NFAT5: variants seen among roughly 807,000 people sequenced by gnomAD.
NFAT5 encodes nuclear factor of activated T-cells 5.
Under a neutral mutation model 166.5 loss-of-function variants are expected in NFAT5, and 31 were observed. That is an observed-to-expected ratio of 0.19 (90% CI 0.14 to 0.25). NFAT5 has a LOEUF of 0.25. Among genes scored for constraint, NFAT5 ranks in the 10% least tolerant of loss-of-function variants. NFAT5 has a pLI of 1.00. For synonymous variants in NFAT5, 612 were observed against 639.7 expected, an observed-to-expected ratio of 0.96 and a Z score of 0.65; for missense variants, 1,449 against 1,821.8, an observed-to-expected ratio of 0.80 and a Z score of 3.72.
At chr16:69,581,630 A>G (rs1363904582) in intron 2 of NFAT5, among the ~76,000 whole-genome samples, 1 of 152,172 alleles carries the variant, frequency 6.6e-6, no homozygotes, top group Non-Finnish European at 1.5e-5. Flanking sequence ...TAATAAAGCC[A>G]TCCTAGTGGG....
chr16:69,567,552 C>T (rs2016139314), intron 1 of NFAT5, among the ~76,000 whole-genome samples: 1 of 152,200 alleles, frequency 6.6e-6, no homozygotes. Flanking sequence ...AAAAAAGGGA[C>T]TTCACCTTCC....
chr16:69,655,554 A>C, intron 5 of NFAT5, 55 bp from the exon 6 acceptor site: 1 of 1,331,542 alleles, frequency 7.5e-7, no homozygotes, highest in Non-Finnish European at 1.0e-6. Flanking sequence ...TGATTTTATA[A>C]TTAGATTATT....
At chr16:69,649,486 CA>C (rs2035581369) in intron 4 of NFAT5, 1 of 983,494 alleles carries the variant, frequency 1.0e-6, no homozygotes, top group African/African-American at 1.8e-5. Context: ...AGTATAATGA[CA>C]TTGGTCAAGA....
At chr16:69,638,885 A>C (rs2035085990) in intron 3 of NFAT5, among the ~76,000 whole-genome samples, 1 of 147,202 alleles carries the variant, frequency 6.8e-6, no homozygotes. Flanking sequence ...CTAATTTTGA[A>C]GTTTAGTGAT....
intron 11 of NFAT5, among the ~76,000 whole-genome samples, chr16:69,686,926 A>G (rs1359534999): frequency 2.6e-5 from 4 of 152,146 alleles, no homozygotes; most frequent in Non-Finnish European, 5.9e-5. Context: ...AAAAAATGCA[A>G]GTGTTGGATT....
At chr16:69,641,614 C>G (rs2035218190) in intron 3 of NFAT5, among the ~76,000 whole-genome samples, 1 of 151,910 alleles carries the variant, frequency 6.6e-6, no homozygotes, top group Non-Finnish European at 1.5e-5. Flanking sequence ...AATTTCAAAG[C>G]TTTCTATTAA....
chr16:69,566,696 C>CCGGCCT lies in NFAT5; in HGVS notation c.73+324_73+329dup, dbSNP rs1055831712. The stretch of plus-strand genomic sequence containing the variant: ...CGCCAGGCTCCGCGAGCCGCCGGCC[C>CCGGCCT]CGGCCTCCCGGGCTCGGGGATGGCC... On this transcript the variant is annotated intron_variant, in intron 1 of 14. Coordinates refer to ENST00000349945, the MANE Select transcript of NFAT5 (RefSeq NM_138713.4). This position sits in a 1 kb window ranked among gnomAD's most constrained non-coding sequence, Gnocchi z 5.7. 6.6e-6 allele frequency among the ~76,000 whole-genome samples: 1 copy of CCGGCCT among 152,080 alleles called. No homozygotes were observed. The highest frequency in any genetic ancestry group is 1.5e-5 in the Non-Finnish European group (1 of 67,970).
At chr16:69,680,422 A>G (rs2037010470) in intron 10 of NFAT5, among the ~76,000 whole-genome samples, 1 of 152,162 alleles carries the variant, frequency 6.6e-6, no homozygotes, top group Non-Finnish European at 1.5e-5. Flanking sequence ...CTTAGCATCA[A>G]CACTAAGAAT....
At position 69,603,477 on chromosome 16, in the gene NFAT5, G is replaced by T. The variant is rs371820462; in HGVS notation, c.128-22926G>T. ...GTTGGAGTTAAAATAGAACATATCA[G>T]CCAGGCACGGTGGCTCATGCCTGTA... is the stretch of plus-strand genomic sequence containing the variant. On this transcript the variant is annotated intron_variant, in intron 2 of 14. Coordinates refer to ENST00000349945, the MANE Select transcript of NFAT5 (RefSeq NM_138713.4). 9.9e-5 allele frequency among the ~76,000 whole-genome samples: 15 copies of T among 152,228 alleles called. No individual in the cohort carries two copies. The East Asian group carries it at 2.5e-3, about 25-fold the overall frequency.
intron 4 of NFAT5, chr16:69,648,821 C>CT: frequency 1.1e-6 from 1 of 946,492 alleles, no homozygotes; most frequent in Non-Finnish European, 1.3e-6. Context: ...CATCACTGAT[C>CT]TTTTTTTGGT....
intron 6 of NFAT5, 90 bp downstream of exon 6, chr16:69,655,889 G>T: frequency 2.2e-6 from 2 of 918,104 alleles, no homozygotes; most frequent in Non-Finnish European, 3.1e-6. Context: ...GATTTTTTGC[G>T]TATTTTATTA....
chr16:69,657,802 T>C (rs1397596057), intron 6 of NFAT5, among the ~76,000 whole-genome samples: 2 of 115,148 alleles, frequency 1.7e-5, no homozygotes, highest in Admixed American at 9.4e-5. Context: ...TAAATACATA[T>C]AGGCCGGGCG....
chr16:69,566,385 C>A lies in NFAT5; in HGVS notation c.73+11C>A, dbSNP rs1435182627. On this transcript the variant is annotated intron_variant, in intron 1 of 14. Transcript: ENST00000349945. This position sits in a 1 kb window ranked among gnomAD's most constrained non-coding sequence, Gnocchi z 5.7. ...CCCTCTACTCGCGAGGTGAGTCAGG[C>A]TGTGGGGGGTGGGGCGTGGGGGCGG... 4 of 1,042,736 alleles carry A rather than the reference C, an allele frequency of 3.8e-6. No individual in the cohort carries two copies. The African/African-American group carries it at 4.8e-5, about 13-fold the overall frequency. The allele number at this position is 1,042,736 out of a possible 1,614,324, so 64.6% of individuals were successfully genotyped here.
intron 2 of NFAT5, among the ~76,000 whole-genome samples, chr16:69,588,977 C>CTTT (rs1409931325): frequency 1.7e-4 from 13 of 78,566 alleles, no homozygotes; most frequent in East Asian, 5.2e-4. Context: ...TCTTTTCCTA[C>CTTT]TTCTTTTTTT....
intron 1 of NFAT5, 74 bp from the exon 2 acceptor site, chr16:69,568,421 G>C: frequency 2.2e-6 from 2 of 928,402 alleles, no homozygotes; most frequent in South Asian, 1.4e-5. Flanking sequence ...AGTTATATAA[G>C]AGATGTATGC....
intron 6 of NFAT5, 48 bp downstream of exon 6, chr16:69,655,847 AGGCAG>A: frequency 7.1e-7 from 1 of 1,410,614 alleles, no homozygotes; most frequent in Non-Finnish European, 9.7e-7. Context: ...CTCTTGTGTT[AGGCAG>A]AATTGTTCAG....
intron 9 of NFAT5, among the ~76,000 whole-genome samples, chr16:69,672,221 T>C (rs1392993042): frequency 6.6e-6 from 1 of 152,230 alleles, no homozygotes; most frequent in African/African-American, 2.4e-5. Flanking sequence ...GGAAAAGAGA[T>C]AATGGGACTT....
At chr16:69,648,672 G>C (rs1416877871) in intron 4 of NFAT5, 1 of 963,728 alleles carries the variant, frequency 1.0e-6, no homozygotes, top group African/African-American at 1.8e-5. Context: ...TTAATTGCTA[G>C]ACTTTTAAAT....
At chr16:69,670,468 C>T (rs1158098729) in intron 9 of NFAT5, among the ~76,000 whole-genome samples, 180 bp downstream of exon 9, 1 of 152,182 alleles carries the variant, frequency 6.6e-6, no homozygotes, top group Non-Finnish European at 1.5e-5. Context: ...TAATGGTAAA[C>T]ATGACCACCT....
Sources: gnomAD v4.1 joint callset for allele counts (sites outside exome capture counted in the v4.1 genomes callset) on GRCh38, gnomAD v4.1.1 for gene constraint, Gnocchi (gnomAD v3.1) non-coding constraint, MANE v1.5 for transcripts, NCBI Gene and HGNC (gene_info 2026-07-23, HGNC 2026-07-21) for gene names.